AGBL4: variants seen among roughly 807,000 people sequenced by gnomAD.
The protein encoded by AGBL4 is AGBL carboxypeptidase 4.
AGBL4 carries 58 observed loss-of-function variants against 66.4 expected under a neutral mutation model. The ratio of observed to expected loss-of-function variants is 0.87; its 90% CI spans 0.71 to 1.09. The LOEUF is 1.09. Ranked by LOEUF, AGBL4 falls within the 50% of genes least tolerant of loss-of-function variation. The pLI, the probability that AGBL4 is intolerant of heterozygous loss-of-function variation, is 0.00. For missense variants in AGBL4, 579 were observed against 631.0 expected (o/e 0.92, Z 0.88); for synonymous variants, 234 against 222.9 (o/e 1.05, Z -0.44).
chr1:48,734,491 C>T (rs1158814745), intron 6 of AGBL4, among the ~76,000 whole-genome samples: 1 of 152,180 alleles, frequency 6.6e-6, no homozygotes, highest in Non-Finnish European at 1.5e-5. Flanking sequence ...CTCCATTGCC[C>T]TTTGACTCCA....
At chr1:49,847,079 T>C (rs1646166830) in intron 2 of AGBL4, among the ~76,000 whole-genome samples, 1 of 152,138 alleles carries the variant, frequency 6.6e-6, no homozygotes. Context: ...GGTTTAAAAA[T>C]AGACAATTAA....
At chr1:48,523,309 C>T in the AGBL4 span, among the ~76,000 whole-genome samples, 2 of 152,202 alleles carry the variant, frequency 1.3e-5, no homozygotes, top group African/African-American at 4.8e-5. Context: ...TATTGTATGG[C>T]TACAGAATGG....
At chr1:49,094,532 GA>G (rs1645058148) in intron 4 of AGBL4, among the ~76,000 whole-genome samples, 1 of 152,128 alleles carries the variant, frequency 6.6e-6, no homozygotes, top group Admixed American at 6.5e-5. Flanking sequence ...TCCCAGGGAT[GA>G]AGCCCACTTG....
chr1:49,307,692 C>G (rs1324380395), intron 3 of AGBL4, among the ~76,000 whole-genome samples: 2 of 152,046 alleles, frequency 1.3e-5, no homozygotes, highest in Non-Finnish European at 2.9e-5. Context: ...TGCACACTTG[C>G]CTTTGTAACC....
In AGBL4 at chr1:48,806,874, T is replaced by C. The variant is rs796445817; in HGVS notation, c.634+60317A>G. Among the ~76,000 whole-genome samples the C allele has an allele frequency of 3.9e-5, 6 of 152,166 alleles. No individual in the cohort carries two copies. In the South Asian group the frequency reaches 1.2e-3, roughly 32 times the overall value. On this transcript the variant is annotated intron_variant, in intron 6 of 13. Transcript: ENST00000371839. Reference sequence around the variant, plus strand: ...GCAAGATGAACAGCGAGGGTTACCATATGAACTATTCCCAACCAACATTAC... The same window carrying C: ...GCAAGATGAACAGCGAGGGTTACCACATGAACTATTCCCAACCAACATTAC...
chr1:48,871,769 C>T (rs1648701589), intron 5 of AGBL4, among the ~76,000 whole-genome samples: 1 of 152,030 alleles, frequency 6.6e-6, no homozygotes, highest in African/African-American at 2.4e-5. Flanking sequence ...ATAGTGGATG[C>T]TTGAGGAATT....
At chr1:49,219,421 ATC>A (rs1649327242) in intron 4 of AGBL4, among the ~76,000 whole-genome samples, 1 of 152,128 alleles carries the variant, frequency 6.6e-6, no homozygotes, top group Non-Finnish European at 1.5e-5. Context: ...GAAAGAAAAT[ATC>A]TGAGTTTTGC....
chr1:49,832,384 T>C (rs1226910194), intron 2 of AGBL4, among the ~76,000 whole-genome samples: 1 of 150,672 alleles, frequency 6.6e-6, no homozygotes, highest in African/African-American at 2.4e-5. Flanking sequence ...ATTTTCTTAA[T>C]CCAGTCTATC....
At position 49,193,267 on chromosome 1, in the gene AGBL4, T is replaced by C. The variant is rs531843192; in HGVS notation, c.377+52503A>G. On this transcript the variant is annotated intron_variant, in intron 4 of 13. Coordinates refer to ENST00000371839, the MANE Select transcript of AGBL4 (RefSeq NM_032785.4). ...TGGTAGCTTTGTGTTTAGTTTGTTC[T>C]TGTTTTTCTAGTTCCTTGAGGTAAC... Among the ~76,000 whole-genome samples, 5 of 152,152 alleles carry C rather than the reference T, an allele frequency of 3.3e-5. No individual in the cohort carries two copies. The East Asian group carries it at 9.6e-4, about 29-fold the overall frequency.
At chr1:49,481,778 T>C (rs1340243900) in intron 3 of AGBL4, among the ~76,000 whole-genome samples, 1 of 151,878 alleles carries the variant, frequency 6.6e-6, no homozygotes, top group Non-Finnish European at 1.5e-5. Context: ...TGATGGCTCT[T>C]ACTATTTTGC....
intron 3 of AGBL4, among the ~76,000 whole-genome samples, chr1:49,597,234 T>C (rs538274741): frequency 2.0e-5 from 3 of 152,328 alleles, no homozygotes; most frequent in Non-Finnish European, 2.9e-5. Context: ...AGACACTATG[T>C]TGAGCATTAC....
chr1:49,277,830 C>G (rs1374424284), intron 3 of AGBL4, among the ~76,000 whole-genome samples: 1 of 151,930 alleles, frequency 6.6e-6, no homozygotes, highest in Non-Finnish European at 1.5e-5. Context: ...AGGCATTTTC[C>G]CATATTGTTT....
At chr1:49,676,967 G>A (rs1646591936) in intron 3 of AGBL4, among the ~76,000 whole-genome samples, 1 of 152,016 alleles carries the variant, frequency 6.6e-6, no homozygotes, top group Non-Finnish European at 1.5e-5. Flanking sequence ...ATATGCCATG[G>A]TTTTTACTGC....
intron 2 of AGBL4, chr1:49,842,454 C>T (rs886781704): frequency 1.1e-6 from 1 of 895,820 alleles, no homozygotes; most frequent in Non-Finnish European, 1.4e-6. Flanking sequence ...TCTCTGTCTG[C>T]ATGTGCTCTC....
intron 3 of AGBL4, among the ~76,000 whole-genome samples, chr1:49,258,836 C>T (rs1193299803): frequency 1.3e-5 from 2 of 152,104 alleles, no homozygotes; most frequent in Non-Finnish European, 2.9e-5. Flanking sequence ...AGAAGAGCAA[C>T]TCCAAGACAC....
chr1:48,986,351 A>G (rs1660174101), intron 5 of AGBL4, among the ~76,000 whole-genome samples: 1 of 152,072 alleles, frequency 6.6e-6, no homozygotes, highest in Non-Finnish European at 1.5e-5. Flanking sequence ...GAAGAAAACT[A>G]TACCAGGGCA....
chr1:49,766,225 AGCTAAC>A (rs994703533), intron 2 of AGBL4, among the ~76,000 whole-genome samples: 2 of 152,190 alleles, frequency 1.3e-5, no homozygotes, highest in Non-Finnish European at 2.9e-5. Context: ...AAACCCCTTC[AGCTAAC>A]AGTGGACATC....
chr1:48,874,902 C>T (rs1649069957), intron 5 of AGBL4, among the ~76,000 whole-genome samples: 1 of 152,166 alleles, frequency 6.6e-6, no homozygotes, highest in South Asian at 2.1e-4. Flanking sequence ...CCAACCTTGG[C>T]TCCTGCCCTT....
At chr1:49,896,802 G>C (rs1173820987) in intron 1 of AGBL4, among the ~76,000 whole-genome samples, 1 of 151,894 alleles carries the variant, frequency 6.6e-6, no homozygotes, top group Non-Finnish European at 1.5e-5. Flanking sequence ...GGATGGTTCA[G>C]CATATGCAAA....
Sources: allele counts gnomAD v4.1 joint callset (sites outside exome capture counted in the v4.1 genomes callset), GRCh38; gene constraint gnomAD v4.1.1; transcripts MANE v1.5; gene names NCBI Gene and HGNC (gene_info 2026-07-23, HGNC 2026-07-21).